GRIN3A: variants seen among roughly 807,000 people sequenced by gnomAD.
GRIN3A encodes glutamate ionotropic receptor NMDA type subunit 3A, also known as glutamate receptor ionotropic, NMDA 3A.
Under a neutral mutation model 92.4 loss-of-function variants are expected in GRIN3A, and 47 were observed. The ratio of observed to expected loss-of-function variants is 0.51; its 90% confidence interval spans 0.40 to 0.65. The LOEUF (loss-of-function observed/expected upper bound fraction) is 0.65, where lower values mean the gene tolerates loss of function less well. GRIN3A is among the 30% of genes least tolerant of loss of function. GRIN3A has a pLI of 0.00. For missense variants in GRIN3A, 1,324 were observed against 1,393.1 expected (o/e 0.95, Z 0.79); for synonymous variants, 527 against 540.6 (o/e 0.97, Z 0.35).
intron 1 of GRIN3A, among the ~76,000 whole-genome samples, chr9:101,709,248 T>G (rs1052862130): frequency 1.3e-5 from 2 of 152,232 alleles, no homozygotes; most frequent in African/African-American, 4.8e-5. Context: ...CAAATGACCT[T>G]TTCTGGTAAG....
intron 2 of GRIN3A, among the ~76,000 whole-genome samples, chr9:101,674,579 T>C (rs1829369737): frequency 6.6e-6 from 1 of 152,096 alleles, no homozygotes; most frequent in Admixed American, 6.6e-5. Flanking sequence ...ATAAGACCTG[T>C]TAGTATTTAG....
At chr9:101,633,061 C>G (rs1371414624) in intron 3 of GRIN3A, among the ~76,000 whole-genome samples, 2 of 152,162 alleles carry the variant, frequency 1.3e-5, no homozygotes, top group Non-Finnish European at 2.9e-5. Context: ...AGAGTACCTA[C>G]ATGGAGAATA....
intron 1 of GRIN3A, among the ~76,000 whole-genome samples, chr9:101,718,548 T>C (rs1829973663): frequency 6.6e-6 from 1 of 152,228 alleles, no homozygotes; most frequent in Non-Finnish European, 1.5e-5. Context: ...GGGTCTTGAA[T>C]GCTACGCTAA....
chr9:101,692,203 A>G (rs1346007310), intron 1 of GRIN3A, among the ~76,000 whole-genome samples: 3 of 152,206 alleles, frequency 2.0e-5, no homozygotes, highest in African/African-American at 7.2e-5. Flanking sequence ...GCAGGAAAAC[A>G]GAAGTGCTCT....
At chr9:101,637,517 C>T (rs1016065406) in intron 3 of GRIN3A, among the ~76,000 whole-genome samples, 3 of 152,124 alleles carry the variant, frequency 2.0e-5, no homozygotes, top group African/African-American at 4.8e-5. Context: ...TCTTTTAGTC[C>T]ATCCTTTTAT....
At chr9:101,712,860 A>G (rs1031012850) in intron 1 of GRIN3A, among the ~76,000 whole-genome samples, 1 of 152,228 alleles carries the variant, frequency 6.6e-6, no homozygotes, top group Admixed American at 6.5e-5. Context: ...AAATTATTTC[A>G]TTTAATCCTT....
chr9:101,724,394 G>C (rs192107734), intron 1 of GRIN3A, among the ~76,000 whole-genome samples: 1 of 152,112 alleles, frequency 6.6e-6, no homozygotes, highest in African/African-American at 2.4e-5. Flanking sequence ...CGGCAGGGCC[G>C]GCCCGCTGCT....
At chr9:101,581,423 C>T (rs190277801) in intron 6 of GRIN3A, among the ~76,000 whole-genome samples, 41 of 152,262 alleles carry the variant, frequency 2.7e-4, no homozygotes, top group African/African-American at 9.1e-4. Context: ...TATGTTTAAA[C>T]CTAAACTCCA....
At chr9:101,727,001 CA>C (rs1830088535) in intron 1 of GRIN3A, among the ~76,000 whole-genome samples, 1 of 151,916 alleles carries the variant, frequency 6.6e-6, no homozygotes, top group Non-Finnish European at 1.5e-5. Context: ...AATGAAAGGA[CA>C]GGGGAAAAAA....
chr9:101,715,734 A>G lies in GRIN3A; in HGVS notation c.699+21547T>C, dbSNP rs1829937511. Among the ~76,000 whole-genome samples the G allele has an allele frequency of 3.9e-5, 6 of 152,168 alleles. No individual in the cohort carries two copies. In the South Asian group the frequency reaches 1.0e-3, roughly 26 times the overall value. On this transcript the variant is annotated intron_variant, in intron 1 of 8. Transcript: ENST00000361820. ...ACATGACAATTTCAGGAGTTCATTCATTCATTCCTTAACAAATATCTGAGT... is the reference window on the plus strand; with the variant it reads ...ACATGACAATTTCAGGAGTTCATTCGTTCATTCCTTAACAAATATCTGAGT...
chr9:101,595,582 C>T (rs1270381454), intron 6 of GRIN3A, among the ~76,000 whole-genome samples: 1 of 152,198 alleles, frequency 6.6e-6, no homozygotes, highest in African/African-American at 2.4e-5. Flanking sequence ...TGACATCCTT[C>T]TGTACCTTTT....
intron 4 of GRIN3A, among the ~76,000 whole-genome samples, chr9:101,624,213 T>A (rs1343735655): frequency 6.6e-6 from 1 of 151,506 alleles, no homozygotes; most frequent in Non-Finnish European, 1.5e-5. Flanking sequence ...TTAAAAATTT[T>A]TTTTATTTTT....
intron 6 of GRIN3A, 37 bp from the exon 7 acceptor site, chr9:101,579,397 A>G: frequency 6.2e-7 from 1 of 1,605,694 alleles, no homozygotes; most frequent in Non-Finnish European, 8.5e-7. Context: ...CATGAATACA[A>G]TGATATACCT....
At chr9:101,656,739 T>A (rs1250259808) in intron 3 of GRIN3A, among the ~76,000 whole-genome samples, 1 of 151,900 alleles carries the variant, frequency 6.6e-6, no homozygotes, top group Non-Finnish European at 1.5e-5. Flanking sequence ...ATATAGCATC[T>A]TAAATTCTCC....
At chr9:101,678,872 T>C (rs1422857551) in intron 2 of GRIN3A, among the ~76,000 whole-genome samples, 1 of 152,242 alleles carries the variant, frequency 6.6e-6, no homozygotes, top group Non-Finnish European at 1.5e-5. Context: ...CTCTGATATG[T>C]TACCTAAAAC....
intron 6 of GRIN3A, among the ~76,000 whole-genome samples, chr9:101,608,113 A>C (rs1020848300): frequency 6.6e-6 from 1 of 152,200 alleles, no homozygotes; most frequent in Admixed American, 6.5e-5. Flanking sequence ...ACCAGGATAC[A>C]CCATACAGCC....
chr9:101,700,662 C>G (rs954965607), intron 1 of GRIN3A, among the ~76,000 whole-genome samples: 52 of 152,178 alleles, frequency 3.4e-4, no homozygotes, highest in African/African-American at 1.2e-3. Context: ...ATGCTCAACA[C>G]TGATATATAT....
intron 1 of GRIN3A, among the ~76,000 whole-genome samples, chr9:101,736,569 C>T (rs1164906722): frequency 6.6e-6 from 1 of 152,022 alleles, no homozygotes; most frequent in Admixed American, 6.5e-5. Context: ...GCCTCTGAGT[C>T]CACATTACAT....
At chr9:101,693,503 T>C (rs1378988820) in intron 1 of GRIN3A, among the ~76,000 whole-genome samples, 1 of 152,134 alleles carries the variant, frequency 6.6e-6, no homozygotes, top group Admixed American at 6.6e-5. Flanking sequence ...TCTATACTGT[T>C]CCCTCTACTT....
Sources: allele counts gnomAD v4.1 joint callset (sites outside exome capture counted in the v4.1 genomes callset), GRCh38; gene constraint gnomAD v4.1.1; transcripts MANE v1.5; gene names NCBI Gene and HGNC (gene_info 2026-07-23, HGNC 2026-07-21).